RNF216: variants seen among roughly 807,000 people sequenced by gnomAD.
RNF216 encodes E3 ubiquitin-protein ligase RNF216.
RNF216 carries 72 observed loss-of-function variants against 110.8 expected under a neutral mutation model. The observed-to-expected ratio is 0.65, with a 90% CI of 0.54 to 0.79. The LOEUF is 0.79. Ranked by LOEUF, RNF216 falls within the 30% of genes least tolerant of loss-of-function variation. RNF216 has a pLI of 0.00. For synonymous variants in RNF216, 495 were observed against 407.5 expected (o/e 1.21, Z -2.59); for missense variants, 1,342 against 1,141.2 (o/e 1.18, Z -2.54).
At chr7:5,679,286 T>TG in intron 13 of RNF216, among the ~76,000 whole-genome samples, 1 of 152,322 alleles carries the variant, frequency 6.6e-6, no homozygotes, top group East Asian at 1.9e-4. Context: ...AGCCAGCCCC[T>TG]GCTAAAGGCA....
intron 13 of RNF216, among the ~76,000 whole-genome samples, chr7:5,663,891 C>A (rs1456452648): frequency 6.6e-6 from 1 of 151,654 alleles, no homozygotes; most frequent in East Asian, 1.9e-4. Flanking sequence ...GAGAGGGAGT[C>A]CGTCTCAAAA....
intron 6 of RNF216, among the ~76,000 whole-genome samples, chr7:5,730,180 G>A (rs1001909618): frequency 9.9e-5 from 15 of 152,182 alleles, no homozygotes; most frequent in African/African-American, 3.6e-4. Context: ...TACTTAGAGG[G>A]AAGTGTACTC....
intron 1 of RNF216, among the ~76,000 whole-genome samples, chr7:5,771,076 G>A (rs1321422696): frequency 6.6e-6 from 1 of 152,154 alleles, no homozygotes; most frequent in African/African-American, 2.4e-5. Flanking sequence ...AAAGTGCTGG[G>A]ATTACAGGCG....
At position 5,741,785 on chromosome 7, in the gene RNF216, G is replaced by C. The variant is rs773742542; in HGVS notation, c.232C>G (p.Leu78Val). Residue 78 changes from leucine (L) to valine (V), a missense_variant, in exon 4 of 17, where the codon CTC (leucine) becomes GTC (valine). Leu to Val is a conservative substitution (Grantham distance 32). Coordinates refer to ENST00000389902, the MANE Select transcript of RNF216 (RefSeq NM_207111.4). Reference sequence around the variant, plus strand: ...TGCCACTGGGCAGCTGGTTTGATGAGATTGGGTCGTGATCTCTGAGGTTTA... The same window carrying C: ...TGCCACTGGGCAGCTGGTTTGATGACATTGGGTCGTGATCTCTGAGGTTTA... ...TNKPQRSRPN[L>V]IKPAAQWQDL... The C allele has an allele frequency of 2.5e-6, 4 of 1,612,408 alleles. No individual in the cohort carries two copies. In the Admixed American group the frequency reaches 6.7e-5, roughly 27 times the overall value.
chr7:5,734,570 AGAGT>A (rs1456416468), intron 5 of RNF216, among the ~76,000 whole-genome samples: 6 of 150,722 alleles, frequency 4.0e-5, no homozygotes, highest in East Asian at 3.9e-4. Context: ...AGGCTTCAGA[AGAGT>A]GAGTAACTGG....
intron 15 of RNF216, among the ~76,000 whole-genome samples, chr7:5,631,905 T>G (rs906212308): frequency 1.3e-5 from 2 of 152,178 alleles, no homozygotes; most frequent in African/African-American, 4.8e-5. Context: ...TGCTGCCTTG[T>G]ACGGATTGCT....
chr7:5,758,167 G>T (rs1795747570), intron 2 of RNF216, among the ~76,000 whole-genome samples: 1 of 152,130 alleles, frequency 6.6e-6, no homozygotes. Flanking sequence ...GTATATTTAA[G>T]ATCCAATTAA....
chr7:5,665,184 T>C (rs1353015883), intron 13 of RNF216, among the ~76,000 whole-genome samples: 1 of 152,218 alleles, frequency 6.6e-6, no homozygotes, highest in African/African-American at 2.4e-5. Flanking sequence ...AAGCTCACCA[T>C]GCAGGGGATT....
chr7:5,724,911 G>T (rs1396162551), intron 8 of RNF216, among the ~76,000 whole-genome samples: 2 of 152,292 alleles, frequency 1.3e-5, no homozygotes, highest in Non-Finnish European at 1.5e-5. Flanking sequence ...TTGGAGAAAC[G>T]TGGCTATTAG....
chr7:5,752,202 A>G (rs1440105038), intron 3 of RNF216, among the ~76,000 whole-genome samples: 2 of 152,136 alleles, frequency 1.3e-5, no homozygotes, highest in East Asian at 3.8e-4. Context: ...AAAAAAAATG[A>G]AAGTACAATG....
At chr7:5,747,703 T>C (rs1245816474) in intron 3 of RNF216, among the ~76,000 whole-genome samples, 1 of 112,020 alleles carries the variant, frequency 8.9e-6, no homozygotes, top group African/African-American at 3.3e-5. Context: ...TGAGTCAAGA[T>C]TGCACCACTG....
chr7:5,731,869 T>C (rs1019213468), intron 5 of RNF216, among the ~76,000 whole-genome samples: 2 of 145,062 alleles, frequency 1.4e-5, no homozygotes, highest in African/African-American at 5.8e-5. Flanking sequence ...CTCTGCTCCT[T>C]TTCTCATCCA....
intron 3 of RNF216, among the ~76,000 whole-genome samples, chr7:5,748,637 CA>C (rs1795169608): frequency 6.6e-6 from 1 of 151,524 alleles, no homozygotes; most frequent in Admixed American, 6.6e-5. Context: ...CACACACACA[CA>C]CACACACACA....
intron 13 of RNF216, among the ~76,000 whole-genome samples, chr7:5,683,118 T>C (rs905531272): frequency 2.0e-5 from 3 of 152,032 alleles, no homozygotes; most frequent in Non-Finnish European, 4.4e-5. Flanking sequence ...TGATTATAAT[T>C]ATATGGTAAA....
chr7:5,725,319 AT>A lies in RNF216; in HGVS notation c.1504+4del, dbSNP rs764612831. 2.6e-6 allele frequency: 4 copies of A among 1,528,334 alleles called. No individual in the cohort carries two copies. In the South Asian group the frequency reaches 4.5e-5, roughly 17 times the overall value. 94.7% of individuals were successfully genotyped at this position (1,528,334 alleles called of 1,614,324 possible). On this transcript the variant is annotated splice_donor_region_variant and intron_variant, in intron 8 of 16. Transcript: ENST00000389902. ...ACACACTGCCACCAACACAGTTTGC[AT>A]TACCTTGTTCAAACTTGAAATCAAT...
chr7:5,650,216 C>A (rs1788305876), intron 14 of RNF216, among the ~76,000 whole-genome samples: 2 of 152,132 alleles, frequency 1.3e-5, no homozygotes, highest in Admixed American at 1.3e-4. Context: ...ATTTGGGAGG[C>A]TGTTTTTGAT....
At chr7:5,771,896 T>G (rs1188648167) in intron 1 of RNF216, among the ~76,000 whole-genome samples, 1 of 151,912 alleles carries the variant, frequency 6.6e-6, no homozygotes, top group African/African-American at 2.4e-5. Flanking sequence ...AATAAATAAA[T>G]GAAAAAGTGT....
intron 13 of RNF216, 51 bp from the exon 14 acceptor site, chr7:5,652,561 A>C: frequency 8.2e-7 from 1 of 1,215,186 alleles, no homozygotes; most frequent in Non-Finnish European, 1.2e-6. Context: ...TGGACACCAC[A>C]GAAGTTCCTG....
chr7:5,726,106 G>A (rs549985112), intron 7 of RNF216, among the ~76,000 whole-genome samples: 6 of 152,094 alleles, frequency 3.9e-5, no homozygotes, highest in South Asian at 4.2e-4. Flanking sequence ...GGGACACCCC[G>A]TCTCTACTAA....
Sources: allele counts gnomAD v4.1 joint callset (sites outside exome capture counted in the v4.1 genomes callset), GRCh38; gene constraint gnomAD v4.1.1; transcripts MANE v1.5; gene names NCBI Gene and HGNC (gene_info 2026-07-23, HGNC 2026-07-21).